AKAP6: variants seen among roughly 807,000 people sequenced by gnomAD.
The protein encoded by AKAP6 is A-kinase anchor protein 6.
A neutral mutation model predicts 188.5 loss-of-function variants in AKAP6; 58 were observed. That is an observed-to-expected ratio of 0.31 (90% CI 0.25 to 0.38). The LOEUF is 0.38. Ranked by LOEUF, AKAP6 falls within the 10% of genes least tolerant of loss-of-function variation. AKAP6 has a pLI of 1.00. For synonymous variants in AKAP6, 989 were observed against 998.6 expected, an observed-to-expected ratio of 0.99 and a Z score of 0.18; for missense variants, 2,710 against 2,740.0, an observed-to-expected ratio of 0.99 and a Z score of 0.24.
intron 7 of AKAP6, among the ~76,000 whole-genome samples, chr14:32,621,821 G>C (rs970851024): frequency 6.6e-6 from 1 of 151,964 alleles, no homozygotes; most frequent in Non-Finnish European, 1.5e-5. Context: ...TTTAAGCAGG[G>C]TTATTTATGA....
At chr14:32,540,168 C>CTCTCTCTCTATA (rs1240063339) in intron 3 of AKAP6, among the ~76,000 whole-genome samples, 16 of 60,918 alleles carry the variant, frequency 2.6e-4, no homozygotes, top group African/African-American at 1.3e-3. Context: ...CTCTCTCTCT[C>CTCTCTCTCTATA]TATATATATA....
At chr14:32,629,606 G>A (rs1887171211) in intron 7 of AKAP6, among the ~76,000 whole-genome samples, 1 of 151,662 alleles carries the variant, frequency 6.6e-6, no homozygotes, top group Non-Finnish European at 1.5e-5. Context: ...CCAACCCTAA[G>A]CTTTGTTGCT....
rs371803839 is a variant in AKAP6 at position 32,413,550 on chromosome 14, A to G, written c.-34-19910A>G. 2.2e-4 allele frequency among the ~76,000 whole-genome samples: 34 copies of G among 152,228 alleles called. No homozygotes were observed. The East Asian group carries it at 4.3e-3, about 19-fold the overall frequency. On this transcript the variant is annotated intron_variant, in intron 1 of 13. Transcript: ENST00000280979. ...GGAACCTCACAGTTACTGAATCACA[A>G]ATTTCTCCCTTGCTTCCTGGGCCAA...
intron 8 of AKAP6, among the ~76,000 whole-genome samples, chr14:32,689,070 T>TA (rs1466344015): frequency 1.6e-4 from 25 of 152,290 alleles, no homozygotes; most frequent in South Asian, 1.4e-3. Flanking sequence ...GTTTATCTTT[T>TA]AAAAAAATCA....
At chr14:32,470,838 A>T (rs1026286102) in intron 2 of AKAP6, among the ~76,000 whole-genome samples, 1 of 152,192 alleles carries the variant, frequency 6.6e-6, no homozygotes, top group Non-Finnish European at 1.5e-5. Flanking sequence ...AAATCTAGTT[A>T]GTTTACTACA....
chr14:32,811,436 T>C (rs1428172884), intron 12 of AKAP6, among the ~76,000 whole-genome samples: 1 of 152,028 alleles, frequency 6.6e-6, no homozygotes, highest in Non-Finnish European at 1.5e-5. Context: ...AGTAATGACA[T>C]AATGTTGGCT....
At chr14:32,618,898 G>A (rs1176628794) in intron 7 of AKAP6, among the ~76,000 whole-genome samples, 4 of 151,858 alleles carry the variant, frequency 2.6e-5, no homozygotes, top group African/African-American at 9.7e-5. Flanking sequence ...TCTGGCTGGG[G>A]TAAGGTGATT....
In AKAP6 at chr14:32,811,204, A is replaced by G. The variant is rs925907745; in HGVS notation, c.3589-10198A>G. 5.5e-5 allele frequency among the ~76,000 whole-genome samples: 8 copies of G among 144,786 alleles called. No homozygotes were observed. The East Asian group carries it at 1.6e-3, about 30-fold the overall frequency. The allele number at this position is 144,786 out of a possible 152,430, so 95.0% of individuals were successfully genotyped here. A position where few individuals can be genotyped will look rare whatever the true frequency, so the allele number is the denominator to read the frequency against. On this transcript the variant is annotated intron_variant, in intron 12 of 13. Coordinates refer to ENST00000280979, the MANE Select transcript of AKAP6 (RefSeq NM_004274.5). Reference sequence around the variant, plus strand: ...CAGTGAGCCGAGATTGCGCCACTGCACTCCAGCCTGGGTGACAGAGCGAGA... The same window carrying G: ...CAGTGAGCCGAGATTGCGCCACTGCGCTCCAGCCTGGGTGACAGAGCGAGA...
intron 7 of AKAP6, among the ~76,000 whole-genome samples, chr14:32,666,256 G>T (rs1888929322): frequency 6.6e-6 from 1 of 151,894 alleles, no homozygotes; most frequent in South Asian, 2.1e-4. Flanking sequence ...TTATATGTTT[G>T]TCATTTATCA....
intron 9 of AKAP6, among the ~76,000 whole-genome samples, chr14:32,701,739 T>A (rs986756165): frequency 3.9e-5 from 6 of 152,142 alleles, no homozygotes; most frequent in African/African-American, 1.4e-4. Context: ...CATTTCAGCT[T>A]TCTGGAATAG....
rs117649250 is a variant in AKAP6, at chr14:32,575,210, G to A, written c.2347-1910G>A. Among the ~76,000 whole-genome samples, 79 of 152,182 alleles carry A rather than the reference G, an allele frequency of 5.2e-4. 1 individual carries two copies. The East Asian group carries it at 6.4e-3, about 12-fold the overall frequency. On this transcript the variant is annotated intron_variant, in intron 4 of 13. Transcript: ENST00000280979. ...AAATTTATGCAAATGCAGGAAAGGC[G>A]AAAGAACAGACAAACTGATACCCTG...
intron 11 of AKAP6, among the ~76,000 whole-genome samples, chr14:32,751,960 T>A (rs781347124): frequency 6.6e-6 from 1 of 152,220 alleles, no homozygotes; most frequent in Non-Finnish European, 1.5e-5. Context: ...TATTTCAGTA[T>A]TGTTCTGAGT....
intron 7 of AKAP6, among the ~76,000 whole-genome samples, chr14:32,670,850 T>G (rs2139609888): frequency 6.6e-6 from 1 of 152,290 alleles, no homozygotes; most frequent in East Asian, 1.9e-4. Flanking sequence ...AAAATGAAGC[T>G]GAGGCTTCAG....
chr14:32,396,881 A>T (rs1011519199), intron 1 of AKAP6, among the ~76,000 whole-genome samples: 1 of 152,200 alleles, frequency 6.6e-6, no homozygotes, highest in Non-Finnish European at 1.5e-5. Flanking sequence ...TTTTTAAGCT[A>T]GTTTGATAAG....
At chr14:32,811,187 C>G (rs1035155579) in intron 12 of AKAP6, among the ~76,000 whole-genome samples, 34 of 140,746 alleles carry the variant, frequency 2.4e-4, no homozygotes, top group Non-Finnish European at 4.7e-4. Flanking sequence ...TGCAGTGAGC[C>G]GAGATTGCGC....
At chr14:32,476,793 G>A (rs1261695510) in intron 2 of AKAP6, among the ~76,000 whole-genome samples, 1 of 152,184 alleles carries the variant, frequency 6.6e-6, no homozygotes, top group East Asian at 1.9e-4. Flanking sequence ...GCCAAGCAAG[G>A]AGAATCAGCA....
At chr14:32,372,244 T>A (rs1281812622) in intron 1 of AKAP6, among the ~76,000 whole-genome samples, 3 of 152,210 alleles carry the variant, frequency 2.0e-5, no homozygotes, top group Non-Finnish European at 4.4e-5. Flanking sequence ...AAATACTAAG[T>A]ATTTATTAAT....
intron 3 of AKAP6, among the ~76,000 whole-genome samples, chr14:32,540,131 GCTCTCTCT>G (rs1216788649): frequency 0.034 from 2,278 of 66,422 alleles, 52 homozygotes; most frequent in South Asian, 0.062. Flanking sequence ...TTGCTCGTGC[GCTCTCTCT>G]CTCTCTCTCT....
At chr14:32,776,066 T>C (rs941621817) in intron 12 of AKAP6, among the ~76,000 whole-genome samples, 1 of 152,222 alleles carries the variant, frequency 6.6e-6, no homozygotes, top group East Asian at 1.9e-4. Flanking sequence ...TGCTTTGAAG[T>C]TGCCAATGTG....
Sources: gnomAD v4.1 joint callset for allele counts (sites outside exome capture counted in the v4.1 genomes callset) on GRCh38, gnomAD v4.1.1 for gene constraint, MANE v1.5 for transcripts, NCBI Gene and HGNC (gene_info 2026-07-23, HGNC 2026-07-21) for gene names.